SRGAP3: variants seen among roughly 807,000 people sequenced by gnomAD.
The protein encoded by SRGAP3 is SLIT-ROBO Rho GTPase-activating protein 3.
SRGAP3 carries 39 observed loss-of-function variants against 121.1 expected under a neutral mutation model. That is an observed-to-expected ratio of 0.32 (90% CI 0.25 to 0.42). The LOEUF (loss-of-function observed/expected upper bound fraction) is 0.42, where lower values mean the gene tolerates loss of function less well. SRGAP3 is among the 10% of genes least tolerant of loss of function. The probability of loss-of-function intolerance (pLI) is 1.00; values close to 1 mark genes in which losing one functional copy is unlikely to be tolerated. For missense variants in SRGAP3, 1,213 were observed against 1,470.6 expected, an observed-to-expected ratio of 0.82 and a Z score of 2.86; for synonymous variants, 601 against 570.0, an observed-to-expected ratio of 1.05 and a Z score of -0.77.
chr3:9,333,527 T>A (rs1013229229), intron 1 of SRGAP3, among the ~76,000 whole-genome samples: 1 of 152,160 alleles, frequency 6.6e-6, no homozygotes, highest in African/African-American at 2.4e-5. Flanking sequence ...CCTTACCTGA[T>A]ACACAAAAAG....
At chr3:9,342,932 C>T (rs1275367346) in intron 1 of SRGAP3, among the ~76,000 whole-genome samples, 1 of 152,356 alleles carries the variant, frequency 6.6e-6, no homozygotes, top group South Asian at 2.1e-4. Flanking sequence ...ACTTGTCCAA[C>T]TGGTCATTCT....
chr3:9,198,530 T>C (rs996227765), intron 1 of SRGAP3, among the ~76,000 whole-genome samples: 2 of 152,248 alleles, frequency 1.3e-5, no homozygotes. Flanking sequence ...GCTGTGCCAG[T>C]ACTGTCTTGA....
intron 3 of SRGAP3, among the ~76,000 whole-genome samples, chr3:9,308,882 T>C (rs1955199151): frequency 1.3e-5 from 2 of 152,072 alleles, no homozygotes; most frequent in Admixed American, 1.3e-4. Flanking sequence ...CTTGCCCCAC[T>C]CTTTCAATGG....
chr3:8,997,350 G>A (rs1160928986), intron 18 of SRGAP3, among the ~76,000 whole-genome samples: 1 of 152,088 alleles, frequency 6.6e-6, no homozygotes, highest in Non-Finnish European at 1.5e-5. Context: ...ATCTGACCAT[G>A]GCTCACCACC....
At chr3:9,097,913 G>A (rs757724697) in intron 3 of SRGAP3, among the ~76,000 whole-genome samples, 3 of 152,082 alleles carry the variant, frequency 2.0e-5, no homozygotes, top group Non-Finnish European at 2.9e-5. Context: ...CCGACTTCTC[G>A]GTTTGCTAAC....
At position 9,056,274 on chromosome 3, in the gene SRGAP3, G is replaced by C. The variant is rs1260817119; in HGVS notation, c.1084C>G (p.Leu362Val). Residue 362 changes from leucine (L) to valine (V), a missense_variant, in exon 8 of 22, where the codon CTG (leucine) becomes GTG (valine). Transcript: ENST00000383836. ...QTELLMRYHQ[L>V]QSRLATLKIE... is the part of the protein sequence containing the mutation. ...TTGAGGGTGGCCAGTCTGGACTGCAGCTGGTGATAACGCATGAGCAGTTCT... is the reference window on the plus strand; with the variant it reads ...TTGAGGGTGGCCAGTCTGGACTGCACCTGGTGATAACGCATGAGCAGTTCT... 1 of 1,613,956 alleles carries C rather than the reference G, an allele frequency of 6.2e-7. No individual in the cohort carries two copies. The highest frequency in any genetic ancestry group is 8.5e-7 in the Non-Finnish European group (1 of 1,180,024).
intron 6 of SRGAP3, chr3:9,059,961 T>G (rs926780233): frequency 2.2e-6 from 1 of 457,814 alleles, no homozygotes; most frequent in Admixed American, 3.2e-5. Flanking sequence ...GGAGGGTACT[T>G]GGGAAGTTGC....
At chr3:9,262,554 A>AAAAAAAAAAAAAAAC (rs1954276389) in intron 3 of SRGAP3, among the ~76,000 whole-genome samples, 1 of 149,672 alleles carries the variant, frequency 6.7e-6, no homozygotes, top group African/African-American at 2.4e-5. Flanking sequence ...AAAAAAAAAA[A>AAAAAAAAAAAAAAAC]AAGCAGTGGT....
chr3:9,084,711 T>C (rs1231900500), intron 3 of SRGAP3, among the ~76,000 whole-genome samples: 1 of 152,216 alleles, frequency 6.6e-6, no homozygotes, highest in Non-Finnish European at 1.5e-5. Flanking sequence ...CCAGATTCAC[T>C]TTGTTAAGAG....
intron 11 of SRGAP3, chr3:9,034,407 A>T (rs563493643): frequency 3.1e-4 from 47 of 152,338 alleles, no homozygotes; most frequent in African/African-American, 1.1e-3. Flanking sequence ...CTATGCAGCC[A>T]ATCAGGATTA....
At chr3:9,230,990 T>A (rs1435159939) in intron 1 of SRGAP3, among the ~76,000 whole-genome samples, 2 of 152,156 alleles carry the variant, frequency 1.3e-5, no homozygotes, top group Non-Finnish European at 2.9e-5. Flanking sequence ...TTACTAGATT[T>A]GGCTTCAATC....
At chr3:9,178,906 C>T (rs913898662) in intron 1 of SRGAP3, among the ~76,000 whole-genome samples, 1 of 152,208 alleles carries the variant, frequency 6.6e-6, no homozygotes, top group Non-Finnish European at 1.5e-5. Flanking sequence ...AACCCTCAGG[C>T]CACAGCTGCA....
rs974480236 is a variant in SRGAP3, at chr3:9,204,641, TC to T, written c.67+44243del. ...CTACACCCAAACGAGGTACCAACTC[TC>T]CCTAAGGTCTTTTTTTTTTTTAAGT... On this transcript the variant is annotated intron_variant, in intron 1 of 21. Coordinates refer to ENST00000383836, the MANE Select transcript of SRGAP3 (RefSeq NM_014850.4). 3.4e-4 allele frequency among the ~76,000 whole-genome samples: 34 copies of T among 99,054 alleles called. 1 individual carries two copies. Among genetic ancestry groups the T allele is most frequent in the African/African-American group, 1.3e-3 (32 of 23,732 alleles). The allele number at this position is 99,054 out of a possible 152,430, so 65.0% of individuals were successfully genotyped here. A position where few individuals can be genotyped will look rare whatever the true frequency, so the allele number is the denominator to read the frequency against.
chr3:9,110,811 T>C (rs1948595600), intron 2 of SRGAP3, among the ~76,000 whole-genome samples: 1 of 152,250 alleles, frequency 6.6e-6, no homozygotes, highest in Non-Finnish European at 1.5e-5. Context: ...CTAGCATGTG[T>C]GGCCTTGGCC....
intron 11 of SRGAP3, 171 bp downstream of exon 11, chr3:9,037,892 G>C (rs1944835161): frequency 4.6e-6 from 4 of 861,610 alleles, no homozygotes; most frequent in East Asian, 2.6e-5. Flanking sequence ...TCTAATGCTA[G>C]AACAAGCAAA....
At chr3:9,121,121 A>G (rs1389465833) in intron 2 of SRGAP3, among the ~76,000 whole-genome samples, 5 of 152,152 alleles carry the variant, frequency 3.3e-5, no homozygotes, top group Admixed American at 2.0e-4. Context: ...GCCAAAGTGG[A>G]CTAGATAGAC....
intron 3 of SRGAP3, among the ~76,000 whole-genome samples, chr3:9,280,603 C>T (rs140627594): frequency 2.0e-5 from 3 of 152,336 alleles, no homozygotes; most frequent in East Asian, 1.9e-4. Context: ...GAGGCAGTAA[C>T]GGTGGGTCCT....
chr3:9,189,675 A>T (rs1487379302), intron 1 of SRGAP3, among the ~76,000 whole-genome samples: 1 of 152,240 alleles, frequency 6.6e-6, no homozygotes, highest in African/African-American at 2.4e-5. Flanking sequence ...GAATAGTCTG[A>T]GAGCATGTCT....
At chr3:9,244,198 C>T (rs1953745902) in intron 1 of SRGAP3, among the ~76,000 whole-genome samples, 1 of 152,030 alleles carries the variant, frequency 6.6e-6, no homozygotes, top group Non-Finnish European at 1.5e-5. Flanking sequence ...TTTTTTATTT[C>T]TTTCTCTCAT....
Sources: allele counts gnomAD v4.1 joint callset (sites outside exome capture counted in the v4.1 genomes callset), GRCh38; gene constraint gnomAD v4.1.1; transcripts MANE v1.5; gene names NCBI Gene and HGNC (gene_info 2026-07-23, HGNC 2026-07-21).